The following FAAH2 variants were observed in gnomAD, a reference collection of about 807,000 sequenced individuals.
FAAH2 encodes fatty-acid amide hydrolase 2.
FAAH2 carries 60 observed loss-of-function variants against 36.9 expected under a neutral mutation model. That is an observed-to-expected ratio of 1.63 (90% CI 1.32 to 2.02). The LOEUF (loss-of-function observed/expected upper bound fraction) is 2.02, where lower values mean the gene tolerates loss of function less well. Among genes scored for constraint, FAAH2 ranks in the 30% most tolerant of loss-of-function variants. The pLI is 0.00. For missense variants in FAAH2, 689 were observed against 397.5 expected (o/e 1.73, Z -6.23); for synonymous variants, 214 against 143.8 (o/e 1.49, Z -3.49).
chrX:57,226,660 G>T, the FAAH2 span, among the ~76,000 whole-genome samples: 1 of 111,658 alleles, frequency 9.0e-6, no homozygotes, highest in Admixed American at 9.5e-5. Context: ...GATTTCCCAG[G>T]TGTTCTTTGT....
chrX:57,449,474 T>C (rs2056743960), intron 10 of FAAH2, among the ~76,000 whole-genome samples: 1 of 112,242 alleles, frequency 8.9e-6, no homozygotes, highest in African/African-American at 3.2e-5. Flanking sequence ...GAAGTCAGGG[T>C]AATCTATGCC....
chrX:57,293,286 C>T (rs2052039060), intron 2 of FAAH2, among the ~76,000 whole-genome samples: 1 of 111,616 alleles, frequency 9.0e-6, no homozygotes, highest in Non-Finnish European at 1.9e-5. Context: ...TATCACTACA[C>T]ATATTGAAAA....
intron 7 of FAAH2, among the ~76,000 whole-genome samples, chrX:57,416,166 T>C (rs924851893): frequency 1.8e-5 from 2 of 111,395 alleles, no homozygotes; most frequent in African/African-American, 6.5e-5. Flanking sequence ...CTGATGGCTG[T>C]TGACTCTTTA....
chrX:57,411,138 T>C (rs1194160982), intron 7 of FAAH2, among the ~76,000 whole-genome samples: 2 of 111,970 alleles, frequency 1.8e-5, no homozygotes, highest in Admixed American at 1.9e-4. Context: ...TCAGACCTTT[T>C]CCATGGATGT....
At position 57,331,775 on chromosome X, in the gene FAAH2, A is replaced by G; in HGVS notation, c.590A>G (p.Tyr197Cys). 8.3e-7 allele frequency: 1 copy of G among 1,211,605 alleles called. No individual in the cohort carries two copies. The highest frequency in any genetic ancestry group is 1.1e-6 in the Non-Finnish European group (1 of 895,445). The change falls in exon 4 of 11, where the codon TAT becomes TGT. Residue 197 changes from tyrosine (Y) to cysteine (C), a missense_variant. Physicochemically the swap from Tyr to Cys is radical, Grantham distance 194. Coordinates refer to ENST00000374900, the MANE Select transcript of FAAH2 (RefSeq NM_174912.4). ...NKIYGRSNNPYDLQHIVGGSS... is the reference protein window; with the variant it reads ...NKIYGRSNNPCDLQHIVGGSS... ...ATCTATGGCCGATCAAACAACCCAT[A>G]TGATTTACAGCATATTGTAGGTGGA...
At chrX:57,169,448 T>G in the FAAH2 span, among the ~76,000 whole-genome samples, 3 of 80,661 alleles carry the variant, frequency 3.7e-5, no homozygotes, top group Non-Finnish European at 7.4e-5. Context: ...GTAAATTTTA[T>G]GTATCAACTT....
chrX:57,174,191 G>A, the FAAH2 span, among the ~76,000 whole-genome samples: 1 of 109,912 alleles, frequency 9.1e-6, no homozygotes, highest in African/African-American at 3.3e-5. Flanking sequence ...TGTGAATCTG[G>A]AATCTCTCTA....
At chrX:57,198,659 G>T in the FAAH2 span, among the ~76,000 whole-genome samples, 2 of 112,358 alleles carry the variant, frequency 1.8e-5, no homozygotes, top group African/African-American at 3.2e-5. Context: ...TCAGCTTGAG[G>T]TTTTCTTCTC....
At chrX:57,338,249 C>T (rs376775907) in intron 4 of FAAH2, among the ~76,000 whole-genome samples, 6 of 111,198 alleles carry the variant, frequency 5.4e-5, no homozygotes, top group African/African-American at 9.8e-5. Flanking sequence ...TGTTCTCTGG[C>T]GGGCAGGAGT....
the FAAH2 span, among the ~76,000 whole-genome samples, chrX:57,140,417 C>CAAAA: frequency 0.058 from 3,747 of 64,650 alleles, 393 homozygotes; most frequent in African/African-American, 0.22. Flanking sequence ...CCATCTCTAC[C>CAAAA]AAAAAAAAAA....
the FAAH2 span, among the ~76,000 whole-genome samples, chrX:57,167,885 T>G: frequency 9.0e-6 from 1 of 111,466 alleles, no homozygotes; most frequent in Non-Finnish European, 1.9e-5. Context: ...CAGACCAGAG[T>G]GGGCCTCCTG....
intron 7 of FAAH2, among the ~76,000 whole-genome samples, chrX:57,385,136 G>T (rs12009392): frequency 2.2e-3 from 240 of 109,919 alleles, no homozygotes; most frequent in African/African-American, 7.3e-3. Context: ...GTTGTGGGGT[G>T]GGGGGAGTGG....
chrX:57,256,833 TA>T, the FAAH2 span, among the ~76,000 whole-genome samples: 1 of 111,937 alleles, frequency 8.9e-6, no homozygotes, highest in African/African-American at 3.2e-5. Flanking sequence ...TACAAGAACT[TA>T]AAGAAATTTA....
intron 7 of FAAH2, among the ~76,000 whole-genome samples, chrX:57,405,111 C>A (rs1160624752): frequency 8.9e-6 from 1 of 111,792 alleles, no homozygotes; most frequent in African/African-American, 3.3e-5. Flanking sequence ...GTATTTTCCT[C>A]CAATTCTAAG....
At chrX:57,309,070 T>G (rs770527149) in intron 2 of FAAH2, among the ~76,000 whole-genome samples, 1 of 112,342 alleles carries the variant, frequency 8.9e-6, no homozygotes, top group South Asian at 3.7e-4. Context: ...TTAAGTCACA[T>G]GAAAGGTTAT....
At chrX:57,265,682 G>T in the FAAH2 span, among the ~76,000 whole-genome samples, 2 of 112,148 alleles carry the variant, frequency 1.8e-5, no homozygotes, top group Non-Finnish European at 3.8e-5. Context: ...GGCCAGTAGA[G>T]ATTTTAAAAT....
At chrX:57,205,019 A>G in the FAAH2 span, among the ~76,000 whole-genome samples, 4 of 112,578 alleles carry the variant, frequency 3.6e-5, no homozygotes, top group African/African-American at 1.3e-4. Flanking sequence ...GACATTTAAC[A>G]CAGGCAGGAG....
upstream of FAAH2, among the ~76,000 whole-genome samples, chrX:57,281,858 G>A (rs757855801): frequency 1.4e-3 from 151 of 111,633 alleles, no homozygotes; most frequent in African/African-American, 4.6e-3. Flanking sequence ...CTTAGGATAA[G>A]GGCCTCCAGC....
intron 7 of FAAH2, among the ~76,000 whole-genome samples, chrX:57,413,900 T>C (rs776682504): frequency 8.9e-6 from 1 of 111,867 alleles, no homozygotes; most frequent in East Asian, 2.8e-4. Context: ...CAGTGATTTG[T>C]AGTTCTCCTT....
Sources: gnomAD v4.1 joint callset for allele counts (sites outside exome capture counted in the v4.1 genomes callset) on GRCh38, gnomAD v4.1.1 for gene constraint, MANE v1.5 for transcripts, NCBI Gene and HGNC (gene_info 2026-07-23, HGNC 2026-07-21) for gene names.